Variants in PARD3 observed in about 807,000 individuals in gnomAD.
PARD3 encodes the protein par-3 family cell polarity regulator, also known as partitioning defective 3 homolog.
Under a neutral mutation model 155.4 loss-of-function variants are expected in PARD3, and 75 were observed. That is an observed-to-expected ratio of 0.48 (90% confidence interval 0.40 to 0.58). PARD3 has a LOEUF of 0.58. Ranked by LOEUF, PARD3 falls within the 20% of genes least tolerant of loss-of-function variation. The pLI is 0.00. For missense variants in PARD3, 1,642 were observed against 1,721.7 expected, an observed-to-expected ratio of 0.95 and a Z score of 0.82; for synonymous variants, 576 against 610.5, an observed-to-expected ratio of 0.94 and a Z score of 0.83.
At chr10:34,712,377 G>A (rs2094460627) in intron 1 of PARD3, among the ~76,000 whole-genome samples, 1 of 152,202 alleles carries the variant, frequency 6.6e-6, no homozygotes, top group South Asian at 2.1e-4. Context: ...CATGAAAGCA[G>A]GCACCTGGTG....
At chr10:34,614,222 A>G (rs1333660528) in intron 2 of PARD3, among the ~76,000 whole-genome samples, 3 of 152,236 alleles carry the variant, frequency 2.0e-5, no homozygotes, top group Non-Finnish European at 2.9e-5. Flanking sequence ...GCTCCGCTAC[A>G]TGGGATGAAG....
chr10:34,287,011 C>G (rs1007166314), intron 20 of PARD3, among the ~76,000 whole-genome samples: 1 of 152,048 alleles, frequency 6.6e-6, no homozygotes, highest in Non-Finnish European at 1.5e-5. Context: ...GAGTTACCGT[C>G]CAGCAAGATA....
chr10:34,550,253 A>G (rs1051807222), intron 2 of PARD3, among the ~76,000 whole-genome samples: 3 of 151,966 alleles, frequency 2.0e-5, no homozygotes, highest in Admixed American at 2.0e-4. Flanking sequence ...ACAGGATCTC[A>G]CTCTGTCACC....
At chr10:34,673,912 G>A (rs2093651778) in intron 2 of PARD3, among the ~76,000 whole-genome samples, 1 of 151,686 alleles carries the variant, frequency 6.6e-6, no homozygotes, top group African/African-American at 2.4e-5. Context: ...TTGAACCCGG[G>A]AGGGAGAGGC....
chr10:34,346,139 G>A, intron 15 of PARD3: 1 of 1,022,376 alleles, frequency 9.8e-7, no homozygotes, highest in Non-Finnish European at 1.2e-6. Flanking sequence ...GAAGCATCTG[G>A]AGTTTTAAGA....
intron 14 of PARD3, among the ~76,000 whole-genome samples, chr10:34,355,314 C>T (rs1371157688): frequency 4.6e-5 from 7 of 151,626 alleles, no homozygotes; most frequent in African/African-American, 1.7e-4. Context: ...GGCAACAGAG[C>T]GAGAGAGCAA....
intron 1 of PARD3, among the ~76,000 whole-genome samples, chr10:34,730,277 C>T (rs1348988556): frequency 1.3e-5 from 2 of 152,082 alleles, no homozygotes; most frequent in Non-Finnish European, 2.9e-5. Context: ...CTACAAATCT[C>T]ACCTCTCTCT....
At position 34,355,944 on chromosome 10, in the gene PARD3, AAAC is replaced by A. The variant is rs748967621; in HGVS notation, c.2067+3200_2067+3202del. Among the ~76,000 whole-genome samples the A allele has an allele frequency of 8.5e-3, 1,106 of 129,940 alleles. 64 individuals are homozygous for A. The highest frequency in any genetic ancestry group is 0.04 in the African/African-American group (1,006 of 25,054). The allele number at this position is 129,940 out of a possible 152,430, so 85.2% of individuals were successfully genotyped here. ...CGTCTCAAAAAAAAAAAAAAAAAAA[AAAC>A]AAAACAAAACCAAACAAAAAAACAG... On this transcript the variant is annotated intron_variant, in intron 14 of 24. Coordinates refer to ENST00000374788, the MANE Select transcript of PARD3 (RefSeq NM_001184785.2).
chr10:34,342,063 T>C (rs1214682325), intron 15 of PARD3, among the ~76,000 whole-genome samples: 1 of 152,222 alleles, frequency 6.6e-6, no homozygotes, highest in Non-Finnish European at 1.5e-5. Context: ...TTTTTCTGGT[T>C]TGAAGTTTCC....
At chr10:34,581,234 CT>C (rs779658592) in intron 2 of PARD3, among the ~76,000 whole-genome samples, 3,507 of 101,182 alleles carry the variant, frequency 0.035, 109 homozygotes, top group African/African-American at 0.14. Flanking sequence ...TTTTTCTTTT[CT>C]TTTTTTTTTT....
intron 22 of PARD3, among the ~76,000 whole-genome samples, chr10:34,254,047 T>C (rs1375726009): frequency 1.3e-5 from 2 of 152,116 alleles, no homozygotes; most frequent in Non-Finnish European, 2.9e-5. Context: ...TATACCAATG[T>C]AGCAACACTG....
intron 22 of PARD3, among the ~76,000 whole-genome samples, chr10:34,245,072 C>CCG (rs1554817299): frequency 6.6e-6 from 1 of 152,000 alleles, no homozygotes; most frequent in African/African-American, 2.4e-5. Flanking sequence ...AAAGTACAAA[C>CCG]TGCAAAAAGT....
intron 22 of PARD3, among the ~76,000 whole-genome samples, chr10:34,174,541 GTGC>G (rs1949950707): frequency 6.6e-6 from 1 of 152,146 alleles, no homozygotes; most frequent in African/African-American, 2.4e-5. Context: ...TGAAACCCTG[GTGC>G]TTAGTGCACA....
intron 20 of PARD3, among the ~76,000 whole-genome samples, chr10:34,309,275 G>A (rs751465548): frequency 1.3e-5 from 2 of 152,094 alleles, no homozygotes; most frequent in Non-Finnish European, 2.9e-5. Context: ...AGAGAGAAGA[G>A]CAATGCCAGG....
At chr10:34,215,900 G>A (rs1402800750) in intron 22 of PARD3, among the ~76,000 whole-genome samples, 3 of 152,160 alleles carry the variant, frequency 2.0e-5, no homozygotes, top group Non-Finnish European at 4.4e-5. Context: ...TCATCGGGTG[G>A]TGACATTTGT....
intron 1 of PARD3, among the ~76,000 whole-genome samples, chr10:34,719,018 G>C (rs1306387740): frequency 2.0e-5 from 3 of 152,148 alleles, no homozygotes; most frequent in Non-Finnish European, 4.4e-5. Context: ...GGAACAACCA[G>C]GGAAACAGCC....
At position 34,190,934 on chromosome 10, in the gene PARD3, G is replaced by T. The variant is rs1193936455; in HGVS notation, c.3420-59351C>A. Among the ~76,000 whole-genome samples, 3 of 152,092 alleles carry T rather than the reference G, an allele frequency of 2.0e-5. No homozygotes were observed. In the East Asian group the frequency reaches 5.8e-4, roughly 29 times the overall value. ...CGGGTCCTGTAGTTCAACTAGGCTG[G>T]TGTGTGGAATGCGGGGAGGAGAGGA... On this transcript the variant is annotated intron_variant, in intron 22 of 24. Transcript: ENST00000374788.
At chr10:34,272,445 AAC>A (rs1955664011) in intron 21 of PARD3, among the ~76,000 whole-genome samples, 1 of 152,186 alleles carries the variant, frequency 6.6e-6, no homozygotes, top group South Asian at 2.1e-4. Context: ...TATTTTTTAA[AAC>A]AGTCAGCCTT....
At chr10:34,439,290 A>G (rs2076342877) in intron 5 of PARD3, among the ~76,000 whole-genome samples, 1 of 152,134 alleles carries the variant, frequency 6.6e-6, no homozygotes, top group African/African-American at 2.4e-5. Context: ...AGGGCTTACT[A>G]AAGGTAGGAA....
Sources: gnomAD v4.1 joint callset for allele counts (sites outside exome capture counted in the v4.1 genomes callset) on GRCh38, gnomAD v4.1.1 for gene constraint, MANE v1.5 for transcripts, NCBI Gene and HGNC (gene_info 2026-07-23, HGNC 2026-07-21) for gene names.